The following KCTD14 variants were observed in gnomAD, a reference collection of about 807,000 sequenced individuals.
KCTD14 encodes BTB/POZ domain-containing protein KCTD14.
A neutral mutation model predicts 5.9 loss-of-function variants in KCTD14; 7 were observed. The ratio of observed to expected loss-of-function variants is 1.19; its 90% confidence interval spans 0.68 to 2.23. The LOEUF is 2.23. Ranked by LOEUF, KCTD14 falls within the 30% of genes most tolerant of loss-of-function variation. The pLI, the probability that KCTD14 is intolerant of heterozygous loss-of-function variation, is 0.00. For synonymous variants in KCTD14, 140 were observed against 133.1 expected (o/e 1.05, Z -0.36); for missense variants, 342 against 332.2 (o/e 1.03, Z -0.23).
chr11:78,041,123 G>C (rs911663509), intron 1 of KCTD14, among the ~76,000 whole-genome samples: 2 of 152,182 alleles, frequency 1.3e-5, no homozygotes, highest in East Asian at 3.8e-4. Context: ...GCTTCCATTA[G>C]AGGCTCTATC....
At chr11:78,029,279 A>G (rs1324285317) in intron 2 of KCTD14, among the ~76,000 whole-genome samples, 1 of 151,814 alleles carries the variant, frequency 6.6e-6, no homozygotes, top group East Asian at 1.9e-4. Flanking sequence ...CCAGATAACT[A>G]GTGACTATAG....
At chr11:78,026,023 C>T (rs1857452989), upstream of KCTD14, among the ~76,000 whole-genome samples, 1 of 152,118 alleles carries the variant, frequency 6.6e-6, no homozygotes, top group African/African-American at 2.4e-5. Context: ...AAGTCTCAAC[C>T]AATTTAAAAG....
At chr11:78,026,104 T>G (rs1350303551), upstream of KCTD14, among the ~76,000 whole-genome samples, 2 of 152,026 alleles carry the variant, frequency 1.3e-5, no homozygotes, top group Non-Finnish European at 2.9e-5. Flanking sequence ...GTGCCCAAGG[T>G]GGTCAGGCTA....
At chr11:78,022,704 C>G (rs1323815854) in intron 1 of KCTD14, among the ~76,000 whole-genome samples, 2 of 151,940 alleles carry the variant, frequency 1.3e-5, no homozygotes, top group African/African-American at 2.4e-5. Flanking sequence ...CAGGGGCAGG[C>G]TGAAGACCCA....
intron 1 of KCTD14, among the ~76,000 whole-genome samples, chr11:78,018,697 A>G (rs1306530865): frequency 1.8e-5 from 2 of 108,322 alleles, no homozygotes; most frequent in East Asian, 4.1e-4. Context: ...ACAGAATGAG[A>G]GTCCAACTCA....
chr11:78,045,322 T>C, intron 1 of KCTD14, among the ~76,000 whole-genome samples: 1 of 152,202 alleles, frequency 6.6e-6, no homozygotes, highest in East Asian at 1.9e-4. Flanking sequence ...CAGAGTGGTC[T>C]TGAACTCCTG....
intron 2 of KCTD14, chr11:78,038,628 G>A: frequency 1.3e-6 from 2 of 1,534,430 alleles, no homozygotes; most frequent in Non-Finnish European, 1.7e-6. Context: ...ACACAGCCCA[G>A]ACACCTGGAC....
At chr11:78,025,205 C>G (rs1425394592), upstream of KCTD14, among the ~76,000 whole-genome samples, 1 of 145,802 alleles carries the variant, frequency 6.9e-6, no homozygotes, top group African/African-American at 2.5e-5. Context: ...GGTCCCATAA[C>G]AGGCCATTGG....
At chr11:78,017,517 G>A (rs1160702094) in intron 1 of KCTD14, among the ~76,000 whole-genome samples, 3 of 149,750 alleles carry the variant, frequency 2.0e-5, no homozygotes, top group Admixed American at 6.7e-5. Flanking sequence ...GTGCAATCTC[G>A]GCTCACTGCA....
exon 2 of KCTD14, chr11:78,038,757 C>T: frequency 1.3e-6 from 2 of 1,535,696 alleles, no homozygotes; most frequent in Non-Finnish European, 1.7e-6. Flanking sequence ...CAATGTCACC[C>T]CCTGAAACAG....
chr11:78,026,321 C>T (rs931011077), upstream of KCTD14, among the ~76,000 whole-genome samples: 5 of 151,858 alleles, frequency 3.3e-5, no homozygotes, highest in African/African-American at 1.2e-4. Flanking sequence ...CCTGTATCCC[C>T]GGCTAGGGCT....
At chr11:78,025,118 G>GTGTGTA (rs1230114793), upstream of KCTD14, among the ~76,000 whole-genome samples, 207 of 44,458 alleles carry the variant, frequency 4.7e-3, 2 homozygotes, top group East Asian at 0.037. Context: ...GTGTGTGTGT[G>GTGTGTA]TATATATATA....
At chr11:78,021,297 CAAAAAAAAAAAAAAAA>C (rs531185817) in intron 1 of KCTD14, among the ~76,000 whole-genome samples, 7 of 85,186 alleles carry the variant, frequency 8.2e-5, no homozygotes, top group Non-Finnish European at 1.1e-4. Context: ...GACCCTGTCT[CAAAAAAAAAAAAAAAA>C]AAAAAAAAAA....
Position 78,016,303 on chromosome 11 carries a change from G to T in KCTD14, c.*290C>A. ...TTGTCATCTCACATCTCTTGCCAAC[G>T]CATTGTTGAAACATTCTTACTTGGT... On this transcript the variant is annotated 3_prime_UTR_variant, in exon 2 of 2. Transcript: ENST00000353172. 1 of 432,994 alleles carries T rather than the reference G, an allele frequency of 2.3e-6. No individual in the cohort carries two copies. The highest frequency in any genetic ancestry group is 4.2e-6 in the Non-Finnish European group (1 of 240,658). 26.8% of individuals were successfully genotyped at this position (432,994 alleles called of 1,614,324 possible). A position where few individuals can be genotyped will look rare whatever the true frequency, so the allele number is the denominator to read the frequency against.
upstream of KCTD14, among the ~76,000 whole-genome samples, chr11:78,024,409 T>TACAC (rs1359154174): frequency 1.6e-5 from 2 of 124,226 alleles, no homozygotes; most frequent in East Asian, 2.2e-4. Context: ...TATATATATA[T>TACAC]ATACACACAC....
upstream of KCTD14, chr11:78,023,633 C>T (rs892886126): frequency 5.2e-6 from 1 of 191,802 alleles, no homozygotes; most frequent in Non-Finnish European, 1.1e-5. Flanking sequence ...CCACCTCAGC[C>T]TCCCAAAGTG....
intron 1 of KCTD14, among the ~76,000 whole-genome samples, chr11:78,042,511 GA>G (rs111524094): frequency 9.8e-4 from 139 of 141,968 alleles, no homozygotes; most frequent in African/African-American, 2.8e-3. Flanking sequence ...ATCTCAAAAA[GA>G]AAAAAAAAAA....
intron 1 of KCTD14, among the ~76,000 whole-genome samples, chr11:78,043,600 G>T (rs529704177): frequency 5.3e-5 from 8 of 152,302 alleles, no homozygotes; most frequent in Admixed American, 2.0e-4. Context: ...CAGTGGAGGG[G>T]CCCCCTGAAC....
chr11:78,018,473 G>A (rs10899427), intron 1 of KCTD14, among the ~76,000 whole-genome samples: 48,352 of 152,008 alleles, frequency 0.32, 8,203 homozygotes, highest in South Asian at 0.42. Context: ...TTGGGAGACC[G>A]AGGTGAGTGG....
Sources: gnomAD v4.1 joint callset for allele counts (sites outside exome capture counted in the v4.1 genomes callset) on GRCh38, gnomAD v4.1.1 for gene constraint, MANE v1.5 for transcripts, NCBI Gene and HGNC (gene_info 2026-07-23, HGNC 2026-07-21) for gene names.